SLC13A2: variants seen among roughly 807,000 people sequenced by gnomAD.
SLC13A2 encodes solute carrier family 13 member 2.
SLC13A2 carries 40 observed loss-of-function variants against 58.5 expected under a neutral mutation model. The ratio of observed to expected loss-of-function variants is 0.68; its 90% CI spans 0.53 to 0.89. SLC13A2 has a LOEUF of 0.89. SLC13A2 is among the 40% of genes least tolerant of loss of function. SLC13A2 has a pLI of 0.00. For missense variants in SLC13A2, 694 were observed against 772.6 expected, an observed-to-expected ratio of 0.90 and a Z score of 1.21; for synonymous variants, 341 against 331.6, an observed-to-expected ratio of 1.03 and a Z score of -0.31.
In SLC13A2 at chr17:28,491,739, C is replaced by T. The variant is rs1009027866; in HGVS notation, c.765C>T (p.Pro255=). The T allele has an allele frequency of 6.2e-6, 10 of 1,614,162 alleles. No individual in the cohort carries two copies. Among genetic ancestry groups the T allele is most frequent in the African/African-American group, 1.3e-5 (1 of 75,056 alleles). Residue 255 remains proline, a synonymous_variant, in exon 6 of 12, where the codon CCC becomes CCT. Transcript: ENST00000314669. ...VLQGQINSLF[P]QNGNVVNFAS... ...CATGTTCCTCCTTCAGGCTCTTCCC[C>T]CAAAACGGCAACGTGGTGAACTTCG...
Position 28,494,525 on chromosome 17 carries a change from C to G in SLC13A2, c.1308+13C>G, listed in dbSNP as rs782144353. 1 of 1,613,736 alleles carries G rather than the reference C, an allele frequency of 6.2e-7. No homozygotes were observed. Among genetic ancestry groups the G allele is most frequent in the Admixed American group, 1.7e-5 (1 of 60,020 alleles). Reference sequence around the variant, plus strand: ...CAAGGGCAGTGAGGTGAGAGGCCCCCAGCCCCCTCCTCAGCCTGTGTGAGG... The same window carrying G: ...CAAGGGCAGTGAGGTGAGAGGCCCCGAGCCCCCTCCTCAGCCTGTGTGAGG... On this transcript the variant is annotated intron_variant, in intron 9 of 11. Transcript: ENST00000314669. This position sits in a 1 kb window ranked among gnomAD's most constrained non-coding sequence, Gnocchi z 4.0.
At chr17:28,480,327 T>C (rs542274658) in intron 1 of SLC13A2, among the ~76,000 whole-genome samples, 8 of 152,048 alleles carry the variant, frequency 5.3e-5, no homozygotes, top group African/African-American at 1.7e-4. Flanking sequence ...GAACAAGGCC[T>C]TGTCAAAAAA....
intron 4 of SLC13A2, among the ~76,000 whole-genome samples, 189 bp downstream of exon 4, chr17:28,491,095 C>T (rs1471188881): frequency 8.5e-5 from 13 of 152,338 alleles, no homozygotes; most frequent in African/African-American, 2.6e-4. Flanking sequence ...GGAATCCCCT[C>T]ATCCCTGGGC....
Position 28,497,277 on chromosome 17 carries a change from C to A in SLC13A2, c.*8C>A, listed in dbSNP as rs1555604827. 5 of 1,610,078 alleles carry A rather than the reference C, an allele frequency of 3.1e-6. No individual in the cohort carries two copies. In the African/African-American group the frequency reaches 6.7e-5, roughly 22 times the overall value. On this transcript the variant is annotated 3_prime_UTR_variant, in exon 12 of 12. Coordinates refer to ENST00000314669, the MANE Select transcript of SLC13A2 (RefSeq NM_003984.4). ...ACCACACCAAGCCCCTAGGCTGGGG[C>A]ACAGCCTGGCCATGCCCAGGAAGAC... is the stretch of plus-strand genomic sequence containing the variant.
chr17:28,488,363 G>A (rs2068926844), intron 1 of SLC13A2, among the ~76,000 whole-genome samples: 1 of 152,174 alleles, frequency 6.6e-6, no homozygotes, highest in Non-Finnish European at 1.5e-5. Flanking sequence ...AGAGTGGGCA[G>A]GTGCCCGGCC....
Position 28,490,766 on chromosome 17 carries a change from C to T in SLC13A2, c.434C>T (p.Ser145Leu). 6 of 1,614,206 alleles carry T rather than the reference C, an allele frequency of 3.7e-6. No individual in the cohort carries two copies. Among genetic ancestry groups the T allele is most frequent in the Non-Finnish European group, 5.1e-6 (6 of 1,180,052 alleles). Residue 145 changes from serine (S) to leucine (L), a missense_variant, in exon 4 of 12, where the codon TCA (serine) becomes TTA (leucine). Physicochemically the swap from Ser to Leu is moderately radical, Grantham distance 145. Transcript: ENST00000314669. ...ATGTGGATCAGCAACACGGCCACCT[C>T]AGCCATGATGGTGCCCATCGCACAT... is the stretch of plus-strand genomic sequence containing the variant. ...LSMWISNTAT[S>L]AMMVPIAHAV...
chr17:28,494,593 A>G lies in SLC13A2; in HGVS notation c.1308+81A>G. ...AGAGAGGGGGCCCTGCTTCTGTCCC[A>G]CAGAGGGGAGACCTGGTCCCCACGT... On this transcript the variant is annotated intron_variant, in intron 9 of 11. Coordinates refer to ENST00000314669, the MANE Select transcript of SLC13A2 (RefSeq NM_003984.4). The surrounding 1 kb of genome is among the most constrained non-coding windows in gnomAD (Gnocchi z 4.0). The G allele has an allele frequency of 6.3e-7, 1 of 1,589,332 alleles. No individual in the cohort carries two copies. Among genetic ancestry groups the G allele is most frequent in the Non-Finnish European group, 8.6e-7 (1 of 1,167,550 alleles).
chr17:28,496,065 A>AG lies in SLC13A2; in HGVS notation c.1470+249_1470+250insG, dbSNP rs2069137105. ...TCCTGATGGGGATCCTGGTGGCCTC[A>AG]CCCACCTCCCCACCCCAGTCCCTGT... On this transcript the variant is annotated intron_variant, in intron 10 of 11. Transcript: ENST00000314669. The surrounding 1 kb of genome is among the most constrained non-coding windows in gnomAD (Gnocchi z 4.2). Among the ~76,000 whole-genome samples the AG allele has an allele frequency of 6.6e-6, 1 of 150,938 alleles. No homozygotes were observed. Among genetic ancestry groups the AG allele is most frequent in the Non-Finnish European group, 1.5e-5 (1 of 67,984 alleles).
At chr17:28,483,326 A>G (rs1336078641) in intron 1 of SLC13A2, among the ~76,000 whole-genome samples, 2 of 152,144 alleles carry the variant, frequency 1.3e-5, no homozygotes, top group Non-Finnish European at 2.9e-5. Flanking sequence ...ACAGGCTACA[A>G]TGCTTTAAAA....
At position 28,496,904 on chromosome 17, in the gene SLC13A2, G is replaced by A. The variant is rs910668056; in HGVS notation, c.1609-195G>A. ...AGGGCCCTGGAAGCTCAGGAGGAGC[G>A]CCCCTTTCCCCTGTTAGCACAGGGA... On this transcript the variant is annotated intron_variant, in intron 11 of 11. Coordinates refer to ENST00000314669, the MANE Select transcript of SLC13A2 (RefSeq NM_003984.4). This position sits in a 1 kb window ranked among gnomAD's most constrained non-coding sequence, Gnocchi z 4.2. 4.6e-5 allele frequency among the ~76,000 whole-genome samples: 7 copies of A among 152,192 alleles called. No individual in the cohort carries two copies. The highest frequency in any genetic ancestry group is 2.1e-4 in the South Asian group (1 of 4,828).
At chr17:28,488,092 A>C (rs574887731) in intron 1 of SLC13A2, among the ~76,000 whole-genome samples, 1 of 152,126 alleles carries the variant, frequency 6.6e-6, no homozygotes, top group Non-Finnish European at 1.5e-5. Flanking sequence ...AATGGCTGTT[A>C]TGTTTTCATG....
At chr17:28,495,012 G>A (rs2069112066) in intron 9 of SLC13A2, among the ~76,000 whole-genome samples, 1 of 152,208 alleles carries the variant, frequency 6.6e-6, no homozygotes, top group Non-Finnish European at 1.5e-5. Flanking sequence ...GGCTCAAACA[G>A]AAGGTGGCTG....
At chr17:28,485,985 C>T (rs916843108) in intron 1 of SLC13A2, among the ~76,000 whole-genome samples, 7 of 151,816 alleles carry the variant, frequency 4.6e-5, no homozygotes, top group South Asian at 2.1e-4. Context: ...AAAGCAAAAC[C>T]CTGTCTTTAA....
intron 1 of SLC13A2, among the ~76,000 whole-genome samples, chr17:28,479,100 C>A (rs960474759): frequency 6.6e-6 from 1 of 152,046 alleles, no homozygotes; most frequent in Non-Finnish European, 1.5e-5. Flanking sequence ...TGTGGCCCCA[C>A]CTACTTGGGA....
intron 1 of SLC13A2, among the ~76,000 whole-genome samples, chr17:28,486,373 T>C (rs782389653): frequency 9.9e-5 from 15 of 152,244 alleles, no homozygotes; most frequent in Non-Finnish European, 2.1e-4. Context: ...CTTGAATAGA[T>C]AAAATAGTTT....
At chr17:28,487,593 G>A in intron 1 of SLC13A2, 6 of 985,364 alleles carry the variant, frequency 6.1e-6, no homozygotes, top group Non-Finnish European at 7.2e-6. Flanking sequence ...TGGCCAGAGA[G>A]TTCTGGGTGG....
chr17:28,480,599 T>C (rs772054734), intron 1 of SLC13A2, among the ~76,000 whole-genome samples: 21 of 152,176 alleles, frequency 1.4e-4, no homozygotes, highest in African/African-American at 2.2e-4. Context: ...ACCGAGCCTC[T>C]TCAAACCCTG....
chr17:28,491,588 C>A lies in SLC13A2; in HGVS notation c.726C>A (p.Pro242=), dbSNP rs1555603458. ...TCGCCACGCTGACTGGCACCGCACC[C>A]AACCTGGTGCTGCAAGGCCAGATCA... The part of the protein sequence containing the change: ...GGIATLTGTA[P]NLVLQGQINS... Residue 242 remains proline, a synonymous_variant, in exon 5 of 12, where the codon CCC becomes CCA. Coordinates refer to ENST00000314669, the MANE Select transcript of SLC13A2 (RefSeq NM_003984.4). The A allele has an allele frequency of 2.5e-6, 4 of 1,613,354 alleles. No individual in the cohort carries two copies. Among genetic ancestry groups the A allele is most frequent in the Non-Finnish European group, 3.4e-6 (4 of 1,179,990 alleles).
rs998257329 is a variant in SLC13A2, at chr17:28,494,849, T to C, written c.1308+337T>C. On this transcript the variant is annotated intron_variant, in intron 9 of 11. Coordinates refer to ENST00000314669, the MANE Select transcript of SLC13A2 (RefSeq NM_003984.4). This position sits in a 1 kb window ranked among gnomAD's most constrained non-coding sequence, Gnocchi z 4.0. ...ACAGTAGCATCAGCACCAAAGTAAT[T>C]GGGGGTTGTGTTGACGCGGTCTGCC... Among the ~76,000 whole-genome samples, 2 of 152,112 alleles carry C rather than the reference T, an allele frequency of 1.3e-5. No homozygotes were observed. The highest frequency in any genetic ancestry group is 1.9e-4 in the East Asian group (1 of 5,164).
Sources: allele counts gnomAD v4.1 joint callset (sites outside exome capture counted in the v4.1 genomes callset), GRCh38; gene constraint gnomAD v4.1.1; non-coding constraint Gnocchi (gnomAD v3.1); transcripts MANE v1.5; gene names NCBI Gene and HGNC (gene_info 2026-07-23, HGNC 2026-07-21).